The following NRXN3 variants were observed in gnomAD, a reference collection of about 807,000 sequenced individuals.
NRXN3 encodes neurexin 3.
A neutral mutation model predicts 137.6 loss-of-function variants in NRXN3; 32 were observed. That is an observed-to-expected ratio of 0.23 (90% CI 0.18 to 0.31). NRXN3 has a LOEUF of 0.31. NRXN3 is among the 10% of genes least tolerant of loss of function. The pLI is 1.00. For missense variants in NRXN3, 1,574 were observed against 2,062.5 expected (o/e 0.76, Z 4.59); for synonymous variants, 798 against 784.5 (o/e 1.02, Z -0.29).
chr14:79,560,504 C>CTTTTTTTGTTTTTTTTTTTTT (rs2097482528), intron 16 of NRXN3, among the ~76,000 whole-genome samples: 1 of 43,770 alleles, frequency 2.3e-5, no homozygotes, highest in Non-Finnish European at 4.0e-5. Context: ...AGATTGTAAG[C>CTTTTTTTGTTTTTTTTTTTTT]TTTTTTTTTT....
chr14:79,823,797 C>A (rs2141092209), intron 20 of NRXN3: 1 of 343,406 alleles, frequency 2.9e-6, no homozygotes, highest in Non-Finnish European at 6.6e-6. Flanking sequence ...TATGGCCCTG[C>A]AAGGAAAGCT....
At chr14:79,614,655 G>A (rs1455837439) in intron 16 of NRXN3, among the ~76,000 whole-genome samples, 2 of 152,242 alleles carry the variant, frequency 1.3e-5, no homozygotes, top group Middle Eastern at 3.4e-3. Context: ...TATGGGGAAC[G>A]TGAACAGAAT....
chr14:79,821,602 A>C (rs2099272635), intron 20 of NRXN3, among the ~76,000 whole-genome samples: 1 of 150,576 alleles, frequency 6.6e-6, no homozygotes, highest in Admixed American at 6.6e-5. Context: ...TTTCTGGTTT[A>C]GTAAACTCTT....
At chr14:78,929,328 G>T (rs1455348894) in intron 10 of NRXN3, among the ~76,000 whole-genome samples, 2 of 152,066 alleles carry the variant, frequency 1.3e-5, no homozygotes, top group Non-Finnish European at 2.9e-5. Flanking sequence ...GTACCCATTA[G>T]TTATTTTTCC....
chr14:78,756,565 A>G (rs915433488), intron 8 of NRXN3, among the ~76,000 whole-genome samples: 1 of 149,398 alleles, frequency 6.7e-6, no homozygotes, highest in Non-Finnish European at 1.5e-5. Context: ...AAAAAAAAAA[A>G]GGTTCACTGT....
At chr14:79,236,606 T>A (rs553651276) in intron 15 of NRXN3, among the ~76,000 whole-genome samples, 1 of 152,224 alleles carries the variant, frequency 6.6e-6, no homozygotes, top group African/African-American at 2.4e-5. Context: ...TGGAGGTTAC[T>A]TCTTATTGAA....
intron 1 of NRXN3, among the ~76,000 whole-genome samples, chr14:78,182,338 C>G (rs763298643): frequency 6.6e-6 from 1 of 151,540 alleles, no homozygotes; most frequent in African/African-American, 2.4e-5. Flanking sequence ...ACTTAACATC[C>G]CACCGAGATG....
At chr14:78,249,713 C>T (rs913861415) in intron 2 of NRXN3, among the ~76,000 whole-genome samples, 5 of 152,134 alleles carry the variant, frequency 3.3e-5, no homozygotes, top group Non-Finnish European at 7.3e-5. Context: ...CTGCGCCTGA[C>T]ATTCTAGGTG....
chr14:79,777,477 A>G (rs1182741197), intron 19 of NRXN3, among the ~76,000 whole-genome samples: 4 of 44,122 alleles, frequency 9.1e-5, no homozygotes, highest in Non-Finnish European at 2.0e-4. Flanking sequence ...GAATTTTTCT[A>G]AAAAAAAAAA....
At chr14:78,205,890 A>G (rs2062137920) in intron 1 of NRXN3, among the ~76,000 whole-genome samples, 1 of 152,210 alleles carries the variant, frequency 6.6e-6, no homozygotes, top group Non-Finnish European at 1.5e-5. Flanking sequence ...ATGCAAGGAG[A>G]TAAGTGAGGA....
intron 15 of NRXN3, among the ~76,000 whole-genome samples, chr14:79,132,648 A>G (rs921966324): frequency 6.6e-6 from 1 of 152,234 alleles, no homozygotes; most frequent in Non-Finnish European, 1.5e-5. Context: ...GCAAATTTAC[A>G]TTAACTTTAT....
intron 10 of NRXN3, among the ~76,000 whole-genome samples, chr14:78,927,372 G>T (rs1223231234): frequency 1.3e-5 from 2 of 151,980 alleles, no homozygotes; most frequent in East Asian, 3.9e-4. Context: ...AGCGTAAGGA[G>T]GAGGGTTTCC....
At chr14:78,225,040 A>G (rs1377926668) in intron 1 of NRXN3, among the ~76,000 whole-genome samples, 1 of 152,168 alleles carries the variant, frequency 6.6e-6, no homozygotes, top group Non-Finnish European at 1.5e-5. Flanking sequence ...TGCTGGGATT[A>G]CAGGCGTGAG....
At position 78,254,196 on chromosome 14, in the gene NRXN3, C is replaced by T. The variant is rs150216841; in HGVS notation, c.709+10394C>T. Among the ~76,000 whole-genome samples, 16 of 152,274 alleles carry T rather than the reference C, an allele frequency of 1.1e-4. No individual in the cohort carries two copies. The East Asian group carries it at 2.9e-3, about 28-fold the overall frequency. ...GAAGAGATTTGATGTAAGCAGGTGA[C>T]TCATACTCCAGTCATTTTGCTTCTG... On this transcript the variant is annotated intron_variant, in intron 2 of 20. Transcript: ENST00000335750.
intron 4 of NRXN3, among the ~76,000 whole-genome samples, chr14:78,539,264 G>A (rs1231913505): frequency 6.6e-6 from 1 of 152,034 alleles, no homozygotes; most frequent in Non-Finnish European, 1.5e-5. Flanking sequence ...TTGGTTGGTA[G>A]GTTATTAATT....
At chr14:79,102,263 C>G (rs572581847) in intron 15 of NRXN3, among the ~76,000 whole-genome samples, 1 of 152,132 alleles carries the variant, frequency 6.6e-6, no homozygotes, top group Admixed American at 6.5e-5. Context: ...ACCTAATTCC[C>G]CTCTGTTGAG....
intron 4 of NRXN3, among the ~76,000 whole-genome samples, chr14:78,460,642 G>A (rs1024403637): frequency 1.5e-4 from 23 of 152,090 alleles, no homozygotes; most frequent in African/African-American, 5.6e-4. Context: ...GGAGCAGGTG[G>A]CACTAAGAGA....
intron 4 of NRXN3, among the ~76,000 whole-genome samples, chr14:78,634,125 T>G (rs959344190): frequency 6.6e-6 from 1 of 152,268 alleles, no homozygotes; most frequent in African/African-American, 2.4e-5. Flanking sequence ...TGTTTGACTC[T>G]CTGTGTCTGC....
intron 15 of NRXN3, among the ~76,000 whole-genome samples, chr14:79,144,677 TG>T (rs1180987233): frequency 6.6e-6 from 1 of 152,226 alleles, no homozygotes; most frequent in East Asian, 1.9e-4. Flanking sequence ...ATGCCAATCT[TG>T]GAAGCGTAAC....
Sources: allele counts gnomAD v4.1 joint callset (sites outside exome capture counted in the v4.1 genomes callset), GRCh38; gene constraint gnomAD v4.1.1; transcripts MANE v1.5; gene names NCBI Gene and HGNC (gene_info 2026-07-23, HGNC 2026-07-21).